Variants in MIA2 observed in about 807,000 individuals in gnomAD.
The protein encoded by MIA2 is melanoma inhibitory activity protein 2.
In MIA2, 127 loss-of-function variants were observed where a neutral mutation model predicts 167.8. That is an observed-to-expected ratio of 0.76 (90% CI 0.66 to 0.88). MIA2 has a LOEUF of 0.88. Ranked by LOEUF, MIA2 falls within the 40% of genes least tolerant of loss-of-function variation. The pLI, the probability that MIA2 is intolerant of heterozygous loss-of-function variation, is 0.00. For missense variants in MIA2, 1,690 were observed against 1,624.7 expected (o/e 1.04, Z -0.69); for synonymous variants, 552 against 541.9 (o/e 1.02, Z -0.26).
At chr14:39,387,995 T>C (rs962747250) in exon 24 of MIA2, 1 of 152,272 alleles carries the variant, frequency 6.6e-6, no homozygotes, top group African/African-American at 2.4e-5. Flanking sequence ...ACATAACTTT[T>C]ATGTGCATTG....
At chr14:39,252,674 C>T (rs2054632895) in intron 4 of MIA2, 74 bp from the exon 5 acceptor site, 3 of 1,112,326 alleles carry the variant, frequency 2.7e-6, no homozygotes, top group South Asian at 1.5e-5. Context: ...AAATGACCTG[C>T]CTAGAAAACA....
chr14:39,369,195 C>T (rs1340190930), intron 23 of MIA2, among the ~76,000 whole-genome samples: 1 of 152,070 alleles, frequency 6.6e-6, no homozygotes, highest in Non-Finnish European at 1.5e-5. Flanking sequence ...CTGTGACTGA[C>T]AGGGTTTGCC....
intron 6 of MIA2, among the ~76,000 whole-genome samples, chr14:39,273,587 AGAT>A (rs1213274294): frequency 6.7e-6 from 1 of 149,156 alleles, no homozygotes; most frequent in Non-Finnish European, 1.5e-5. Flanking sequence ...GTGTCTATTG[AGAT>A]GATCATGCGT....
At chr14:39,308,358 T>G in intron 17 of MIA2, 91 bp from the exon 18 acceptor site, 1 of 778,816 alleles carries the variant, frequency 1.3e-6, no homozygotes, top group South Asian at 2.8e-5. Context: ...TATTAATAAT[T>G]TATTATTTTT....
At chr14:39,365,935 T>C (rs2074813026) in intron 23 of MIA2, among the ~76,000 whole-genome samples, 1 of 152,238 alleles carries the variant, frequency 6.6e-6, no homozygotes, top group Non-Finnish European at 1.5e-5. Context: ...GTATGTCTGG[T>C]GTAACAATCA....
At chr14:39,340,637 T>C (rs2153049799) in intron 25 of MIA2, among the ~76,000 whole-genome samples, 1 of 152,348 alleles carries the variant, frequency 6.6e-6, no homozygotes, top group East Asian at 1.9e-4. Flanking sequence ...TGAAAACTTG[T>C]GGTCTTCCCA....
chr14:39,294,379 G>A (rs946481529), intron 12 of MIA2, among the ~76,000 whole-genome samples: 4 of 151,580 alleles, frequency 2.6e-5, no homozygotes, highest in Admixed American at 1.3e-4. Context: ...TGTATTTTTA[G>A]TAGAGGCAGG....
At chr14:39,304,520 G>T (rs1213950544) in intron 17 of MIA2, 139 bp downstream of exon 17, 1 of 470,882 alleles carries the variant, frequency 2.1e-6, no homozygotes, top group Non-Finnish European at 3.8e-6. Flanking sequence ...TTGGGTATTT[G>T]TGAAACATTA....
chr14:39,320,910 C>T lies in MIA2; in HGVS notation c.3368-18C>T. The T allele has an allele frequency of 6.2e-7, 1 of 1,604,938 alleles. No individual in the cohort carries two copies. Among genetic ancestry groups the T allele is most frequent in the Non-Finnish European group, 8.5e-7 (1 of 1,176,984 alleles). On this transcript the variant is annotated intron_variant, in intron 23 of 28. Transcript: ENST00000640607. ...AAGTGAAACTATGAATTTAAATATG[C>T]TGTTTTAATTATTCCAGAGCATTCC...
At chr14:39,263,389 C>CTT (rs1037043049) in intron 6 of MIA2, among the ~76,000 whole-genome samples, 2 of 138,256 alleles carry the variant, frequency 1.4e-5, no homozygotes, top group Non-Finnish European at 3.2e-5. Flanking sequence ...ATGGATTGTT[C>CTT]TTTTTTTTTT....
At chr14:39,362,278 TAA>T in intron 23 of MIA2, among the ~76,000 whole-genome samples, 2 of 152,346 alleles carry the variant, frequency 1.3e-5, no homozygotes, top group Admixed American at 1.3e-4. Flanking sequence ...TAATTCTTTA[TAA>T]GTTTGCTAGA....
At chr14:39,354,148 C>T (rs1349008369), downstream of MIA2, among the ~76,000 whole-genome samples, 1 of 152,226 alleles carries the variant, frequency 6.6e-6, no homozygotes, top group Non-Finnish European at 1.5e-5. Context: ...ACAATCACTT[C>T]CACAATGGTT....
Position 39,326,934 on chromosome 14 carries a change from G to A in MIA2, c.3567G>A (p.Arg1189=). The change falls in exon 25 of 29, where the codon AGG becomes AGA. Residue 1189 remains arginine (R), a synonymous_variant. Transcript: ENST00000640607. ...TNERGESSCD[R]LTDPHRAPSD... is the part of the protein sequence containing the mutation. ...AAAGAGGAGAATCAAGCTGTGATAG[G>A]TTAACCGATCCTCATAGGGCTCCCT... The A allele has an allele frequency of 1.3e-6, 2 of 1,598,322 alleles. No individual in the cohort carries two copies. Among genetic ancestry groups the A allele is most frequent in the Non-Finnish European group, 1.7e-6 (2 of 1,173,212 alleles).
intron 25 of MIA2, among the ~76,000 whole-genome samples, chr14:39,339,564 A>G (rs2071302597): frequency 6.6e-6 from 1 of 152,152 alleles, no homozygotes; most frequent in South Asian, 2.1e-4. Context: ...CTTATTCAAG[A>G]TGTTGGGATA....
At chr14:39,288,269 C>G (rs1467510247) in intron 9 of MIA2, among the ~76,000 whole-genome samples, 1 of 150,888 alleles carries the variant, frequency 6.6e-6, no homozygotes, top group African/African-American at 2.4e-5. Context: ...CAAGTCCAAC[C>G]TGGGCAACAT....
chr14:39,264,173 G>A (rs957079937), intron 6 of MIA2, among the ~76,000 whole-genome samples: 1 of 152,100 alleles, frequency 6.6e-6, no homozygotes, highest in Non-Finnish European at 1.5e-5. Flanking sequence ...AGATTTAGCT[G>A]CCACTTATAA....
chr14:39,337,219 A>T (rs565257648), intron 25 of MIA2, among the ~76,000 whole-genome samples: 1 of 152,384 alleles, frequency 6.6e-6, no homozygotes, highest in South Asian at 2.1e-4. Flanking sequence ...AATCGAAAGA[A>T]AATGAGGTCA....
At chr14:39,316,056 C>G (rs2065359674) in intron 21 of MIA2, among the ~76,000 whole-genome samples, 1 of 152,158 alleles carries the variant, frequency 6.6e-6, no homozygotes, top group African/African-American at 2.4e-5. Context: ...TTCTTTGGGC[C>G]TATTTCCTCA....
chr14:39,269,228 T>C (rs1176322210), intron 6 of MIA2, among the ~76,000 whole-genome samples: 4 of 152,054 alleles, frequency 2.6e-5, no homozygotes, highest in African/African-American at 9.7e-5. Context: ...CATCCTTTTA[T>C]AATGTCCATT....
Sources: allele counts gnomAD v4.1 joint callset (sites outside exome capture counted in the v4.1 genomes callset), GRCh38; gene constraint gnomAD v4.1.1; transcripts MANE v1.5; gene names NCBI Gene and HGNC (gene_info 2026-07-23, HGNC 2026-07-21).